The following CSTF3 variants were observed in gnomAD, a reference collection of about 807,000 sequenced individuals.
CSTF3 encodes cleavage stimulation factor subunit 3, also known as CF-1 77 kDa subunit.
A neutral mutation model predicts 105.8 loss-of-function variants in CSTF3; 29 were observed. That is an observed-to-expected ratio of 0.27 (90% CI 0.20 to 0.37). The LOEUF (loss-of-function observed/expected upper bound fraction) is 0.37, where lower values mean the gene tolerates loss of function less well. Ranked by LOEUF, CSTF3 falls within the 10% of genes least tolerant of loss-of-function variation. CSTF3 has a pLI of 1.00. For synonymous variants in CSTF3, 252 were observed against 281.9 expected (o/e 0.89, Z 1.06); for missense variants, 357 against 879.3 (o/e 0.41, Z 7.51).
chr11:33,125,153 T>C (rs1431071747), intron 3 of CSTF3, among the ~76,000 whole-genome samples: 8 of 152,200 alleles, frequency 5.3e-5, no homozygotes, highest in Admixed American at 5.2e-4. Context: ...ATTTTCACAC[T>C]ATCAATTTGT....
Position 33,145,656 on chromosome 11 carries a change from C to T in CSTF3, c.28-3670G>A, listed in dbSNP as rs1380493525. On this transcript the variant is annotated intron_variant, in intron 1 of 20. Coordinates refer to ENST00000323959, the MANE Select transcript of CSTF3 (RefSeq NM_001326.3). ...GTGAAACCCCATCTCCACTAAAAAA[C>T]ACAAAAAATTAGCTGGGCGTGGTGG... is the stretch of plus-strand genomic sequence containing the variant. Among the ~76,000 whole-genome samples, 3 of 151,586 alleles carry T rather than the reference C, an allele frequency of 2.0e-5. No individual in the cohort carries two copies. In the East Asian group the frequency reaches 5.9e-4, roughly 30 times the overall value.
chr11:33,115,704 A>C (rs1855424475), intron 3 of CSTF3, among the ~76,000 whole-genome samples: 1 of 152,228 alleles, frequency 6.6e-6, no homozygotes, highest in East Asian at 1.9e-4. Flanking sequence ...TACCTAAAGA[A>C]TAGTTTTCTT....
chr11:33,143,987 A>G (rs1855747267), intron 1 of CSTF3, among the ~76,000 whole-genome samples: 1 of 151,586 alleles, frequency 6.6e-6, no homozygotes, highest in African/African-American at 2.4e-5. Flanking sequence ...CTACGTCTCA[A>G]AAAAAAAAGT....
At chr11:33,102,634 T>C (rs1565005037) in intron 9 of CSTF3, among the ~76,000 whole-genome samples, 1 of 152,198 alleles carries the variant, frequency 6.6e-6, no homozygotes, top group Non-Finnish European at 1.5e-5. Flanking sequence ...GAAGATCTGG[T>C]GGCATTATTA....
intron 17 of CSTF3, among the ~76,000 whole-genome samples, chr11:33,088,325 C>T (rs1855129455): frequency 6.7e-6 from 1 of 148,258 alleles, no homozygotes; most frequent in South Asian, 2.1e-4. Context: ...CTCACTCTGT[C>T]ACCCAGGCTG....
chr11:33,097,824 GT>G (rs1249541324), intron 13 of CSTF3, among the ~76,000 whole-genome samples: 1 of 152,130 alleles, frequency 6.6e-6, no homozygotes, highest in African/African-American at 2.4e-5. Context: ...ATGCAGTTTT[GT>G]TTAGTGAACA....
chr11:33,139,730 A>G (rs1371083197), intron 3 of CSTF3, among the ~76,000 whole-genome samples: 1 of 151,998 alleles, frequency 6.6e-6, no homozygotes, highest in Non-Finnish European at 1.5e-5. Context: ...CATGTTATAT[A>G]TACCTATTTG....
rs71034656 is a variant in CSTF3, at chr11:33,159,595, C to CAAAAA, written c.27+1699_27+1703dup. 6.9e-3 allele frequency among the ~76,000 whole-genome samples: 262 copies of CAAAAA among 37,920 alleles called. 34 individuals are homozygous for CAAAAA. The highest frequency in any genetic ancestry group is 0.023 in the African/African-American group (206 of 9,068). 24.9% of individuals were successfully genotyped at this position (37,920 alleles called of 152,430 possible). ...TGGGCGACAGAGCAAGGCTCCATCT[C>CAAAAA]AAAAAAAAAAAAAAAAAAAAAAAAA... On this transcript the variant is annotated intron_variant, in intron 1 of 20. Transcript: ENST00000323959.
chr11:33,112,976 G>A (rs1402522948), intron 3 of CSTF3, among the ~76,000 whole-genome samples: 3 of 151,882 alleles, frequency 2.0e-5, no homozygotes, highest in African/African-American at 7.3e-5. Context: ...GGGAGGCCTC[G>A]GTGGGTGGAT....
intron 3 of CSTF3, among the ~76,000 whole-genome samples, chr11:33,116,333 G>A (rs909802984): frequency 1.3e-5 from 2 of 152,094 alleles, no homozygotes; most frequent in Non-Finnish European, 2.9e-5. Context: ...TAAAACTAAT[G>A]ATGGAAACAA....
At chr11:33,148,938 T>C (rs1029460249) in intron 1 of CSTF3, among the ~76,000 whole-genome samples, 2 of 150,294 alleles carry the variant, frequency 1.3e-5, no homozygotes, top group African/African-American at 4.9e-5. Flanking sequence ...GTGATCCTCC[T>C]GTCTCAGCCT....
chr11:33,107,953 C>T lies in CSTF3; in HGVS notation c.306G>A (p.Lys102=), dbSNP rs751669558. 1.1e-5 allele frequency: 18 copies of T among 1,611,614 alleles called. No individual in the cohort carries two copies. Among genetic ancestry groups the T allele is most frequent in the Non-Finnish European group, 1.4e-5 (17 of 1,179,028 alleles). ...LMKVLHIDLW[K]CYLSYVRETK... is the part of the protein sequence containing the mutation. ...TTTCTCGGACATATGAAAGATAACA[C>T]TTCCATAAATCAATGTGCAAAACCT... Residue 102 remains lysine, a synonymous_variant, in exon 5 of 21, where the codon AAG becomes AAA. Coordinates refer to ENST00000323959, the MANE Select transcript of CSTF3 (RefSeq NM_001326.3).
rs146702988 is a variant in CSTF3, at chr11:33,159,055, T to G, written c.27+2244A>C. Reference sequence around the variant, plus strand: ...GAACTAGATTTTAGAAATACTATTTTCTTGGGTGGGGAAATGGTATGGTGG... The same window carrying G: ...GAACTAGATTTTAGAAATACTATTTGCTTGGGTGGGGAAATGGTATGGTGG... On this transcript the variant is annotated intron_variant, in intron 1 of 20. Transcript: ENST00000323959. Among the ~76,000 whole-genome samples the G allele has an allele frequency of 1.6e-3, 242 of 152,296 alleles. 1 individual carries two copies. The highest frequency in any genetic ancestry group is 6.8e-3 in the Middle Eastern group (2 of 294).
intron 3 of CSTF3, among the ~76,000 whole-genome samples, chr11:33,112,280 G>A (rs1855387339): frequency 6.6e-6 from 1 of 151,874 alleles, no homozygotes; most frequent in African/African-American, 2.4e-5. Flanking sequence ...TCATCAATGT[G>A]CTTTGGAGAT....
At chr11:33,150,141 G>C (rs1484700393) in intron 1 of CSTF3, among the ~76,000 whole-genome samples, 2 of 151,508 alleles carry the variant, frequency 1.3e-5, no homozygotes, top group African/African-American at 4.9e-5. Context: ...CTTGAACCCG[G>C]GAGGCGGAGG....
At chr11:33,152,701 C>T (rs1255048043) in intron 1 of CSTF3, among the ~76,000 whole-genome samples, 1 of 152,182 alleles carries the variant, frequency 6.6e-6, no homozygotes, top group Non-Finnish European at 1.5e-5. Flanking sequence ...TGACTCACGC[C>T]TGTAATCTCA....
At chr11:33,113,643 T>C (rs1204031417) in intron 3 of CSTF3, among the ~76,000 whole-genome samples, 2 of 152,256 alleles carry the variant, frequency 1.3e-5, no homozygotes, top group South Asian at 4.1e-4. Context: ...GAAAAGTGTC[T>C]ATTGAGAAAA....
chr11:33,129,312 A>C (rs1855574842), intron 3 of CSTF3, among the ~76,000 whole-genome samples: 1 of 151,854 alleles, frequency 6.6e-6, no homozygotes, highest in Non-Finnish European at 1.5e-5. Flanking sequence ...GGCTGGTCTT[A>C]AACTCCTGAC....
At chr11:33,153,588 T>C (rs1465094775) in intron 1 of CSTF3, among the ~76,000 whole-genome samples, 4 of 151,668 alleles carry the variant, frequency 2.6e-5, no homozygotes, top group South Asian at 2.1e-4. Flanking sequence ...TGGTGAGCTA[T>C]GACCACGCCA....
Sources: allele counts gnomAD v4.1 joint callset (sites outside exome capture counted in the v4.1 genomes callset), GRCh38; gene constraint gnomAD v4.1.1; transcripts MANE v1.5; gene names NCBI Gene and HGNC (gene_info 2026-07-23, HGNC 2026-07-21).